Variants in ENAH observed in about 807,000 individuals in gnomAD.
The protein encoded by ENAH is ENAH actin regulator, also known as protein enabled homolog.
ENAH carries 23 observed loss-of-function variants against 78.7 expected under a neutral mutation model. The ratio of observed to expected loss-of-function variants is 0.29; its 90% CI spans 0.21 to 0.41. The LOEUF (loss-of-function observed/expected upper bound fraction) is 0.41. Among genes scored for constraint, ENAH ranks in the 10% least tolerant of loss-of-function variants. The pLI is 1.00. For missense variants in ENAH, 544 were observed against 691.0 expected, an observed-to-expected ratio of 0.79 and a Z score of 2.39; for synonymous variants, 226 against 241.0, an observed-to-expected ratio of 0.94 and a Z score of 0.58.
intron 2 of ENAH, among the ~76,000 whole-genome samples, chr1:225,556,220 G>T (rs926668158): frequency 1.3e-5 from 2 of 152,130 alleles, no homozygotes; most frequent in Non-Finnish European, 2.9e-5. Context: ...TTTTTGTTGG[G>T]CATATACCCA....
intron 4 of ENAH, among the ~76,000 whole-genome samples, chr1:225,525,934 C>A (rs192575657): frequency 6.6e-6 from 1 of 152,128 alleles, no homozygotes; most frequent in East Asian, 1.9e-4. Flanking sequence ...TTTTGGTGAG[C>A]TTTTTTGACC....
intron 4 of ENAH, among the ~76,000 whole-genome samples, chr1:225,526,633 T>C (rs1056934964): frequency 6.6e-6 from 1 of 151,936 alleles, no homozygotes; most frequent in East Asian, 1.9e-4. Flanking sequence ...GCACACGCCC[T>C]TCTATTTCTC....
chr1:225,652,190 C>T (rs1474965451), intron 1 of ENAH: 1 of 293,094 alleles, frequency 3.4e-6, no homozygotes, highest in Admixed American at 6.5e-5. Flanking sequence ...CCTTCACCTA[C>T]CCCTACCAGA....
chr1:225,602,674 C>T (rs2096936955), intron 1 of ENAH, among the ~76,000 whole-genome samples: 2 of 151,964 alleles, frequency 1.3e-5, no homozygotes, highest in African/African-American at 4.8e-5. Context: ...ACTTCAAAAG[C>T]CTTTCCCTAT....
intron 1 of ENAH, among the ~76,000 whole-genome samples, chr1:225,582,197 A>T (rs2096822381): frequency 6.6e-6 from 1 of 151,904 alleles, no homozygotes; most frequent in African/African-American, 2.4e-5. Flanking sequence ...CAGCCACAGG[A>T]AGTGCCAGCT....
chr1:225,536,848 C>T (rs571508354), intron 3 of ENAH, among the ~76,000 whole-genome samples: 5 of 151,816 alleles, frequency 3.3e-5, no homozygotes, highest in Admixed American at 3.3e-4. Flanking sequence ...TACTTCCAAC[C>T]ACCCAATCTA....
At chr1:225,509,264 G>T (rs1451378586) in intron 10 of ENAH, among the ~76,000 whole-genome samples, 1 of 152,150 alleles carries the variant, frequency 6.6e-6, no homozygotes. Flanking sequence ...GAAACTGAGG[G>T]ACACCGGGAC....
intron 1 of ENAH, among the ~76,000 whole-genome samples, chr1:225,646,570 G>A (rs76469306): frequency 0.042 from 6,354 of 152,128 alleles, 213 homozygotes; most frequent in South Asian, 0.1. Context: ...GTAATCCCAC[G>A]AGGTCAGGAG....
chr1:225,607,167 A>T (rs2096960444), intron 1 of ENAH, among the ~76,000 whole-genome samples: 1 of 152,216 alleles, frequency 6.6e-6, no homozygotes, highest in African/African-American at 2.4e-5. Flanking sequence ...TCCCTGGGCC[A>T]CACTGGAAGA....
chr1:225,636,892 AAAAG>A (rs150389211), intron 1 of ENAH, among the ~76,000 whole-genome samples: 4,035 of 152,272 alleles, frequency 0.026, 69 homozygotes, highest in Non-Finnish European at 0.041. Context: ...AAAAACTATG[AAAAG>A]AGAGAGACTC....
At chr1:225,552,691 T>C (rs991914953) in intron 3 of ENAH, among the ~76,000 whole-genome samples, 2 of 152,148 alleles carry the variant, frequency 1.3e-5, no homozygotes, top group Non-Finnish European at 2.9e-5. Flanking sequence ...TCTTCCACCA[T>C]TATCTCTCTT....
intron 4 of ENAH, 138 bp from the exon 5 acceptor site, chr1:225,519,703 G>A: frequency 7.8e-7 from 1 of 1,278,112 alleles, no homozygotes; most frequent in Non-Finnish European, 1.1e-6. Context: ...CCTCCCACAT[G>A]AAGGCTACCT....
At chr1:225,567,464 TAA>T (rs1198559390) in intron 1 of ENAH, 50 bp from the exon 2 acceptor site, 1 of 1,557,946 alleles carries the variant, frequency 6.4e-7, no homozygotes, top group African/African-American at 1.4e-5. Context: ...TAAAATATGC[TAA>T]GTGTTCCACA....
chr1:225,542,710 C>T (rs925448955), intron 3 of ENAH, among the ~76,000 whole-genome samples: 3 of 152,194 alleles, frequency 2.0e-5, no homozygotes, highest in African/African-American at 7.2e-5. Context: ...GTTTGTCTCA[C>T]ATGGGATTTA....
upstream of ENAH, chr1:225,653,206 C>CGGGGGCGA (rs1663380748): frequency 1.4e-5 from 2 of 143,586 alleles, no homozygotes; most frequent in Admixed American, 6.9e-5. This position sits in a 1 kb window ranked among gnomAD's most constrained non-coding sequence, Gnocchi z 4.3. Context: ...CTCCTTCCCC[C>CGGGGGCGA]GGGGGCGAGG....
At chr1:225,607,679 T>C (rs1054116726) in intron 1 of ENAH, among the ~76,000 whole-genome samples, 12 of 152,112 alleles carry the variant, frequency 7.9e-5, no homozygotes, top group African/African-American at 2.7e-4. Context: ...GGAGGTATGA[T>C]GGGGATTAAA....
At chr1:225,523,480 C>A (rs548569451) in intron 4 of ENAH, among the ~76,000 whole-genome samples, 45 of 152,046 alleles carry the variant, frequency 3.0e-4, no homozygotes, top group African/African-American at 1.0e-3. Context: ...GGACACAATG[C>A]TGGAGAATAT....
intron 1 of ENAH, among the ~76,000 whole-genome samples, chr1:225,613,047 T>A (rs1029122654): frequency 1.1e-4 from 16 of 152,178 alleles, no homozygotes; most frequent in Non-Finnish European, 1.8e-4. Flanking sequence ...CTACAAAGAC[T>A]CAGTATGTGT....
intron 1 of ENAH, among the ~76,000 whole-genome samples, chr1:225,570,366 GC>G (rs2096755462): frequency 6.6e-6 from 1 of 151,776 alleles, no homozygotes; most frequent in South Asian, 2.1e-4. Flanking sequence ...CATGGGAACT[GC>G]GCAGGTCCAC....
Sources: allele counts gnomAD v4.1 joint callset (sites outside exome capture counted in the v4.1 genomes callset), GRCh38; gene constraint gnomAD v4.1.1; non-coding constraint Gnocchi (gnomAD v3.1); transcripts MANE v1.5; gene names NCBI Gene and HGNC (gene_info 2026-07-23, HGNC 2026-07-21).